PRPF18: variants seen among roughly 807,000 people sequenced by gnomAD.
The protein encoded by PRPF18 is pre-mRNA-splicing factor 18.
A neutral mutation model predicts 46.5 loss-of-function variants in PRPF18; 38 were observed. That is an observed-to-expected ratio of 0.82 (90% confidence interval 0.63 to 1.07). PRPF18 has a LOEUF of 1.07. Among genes scored for constraint, PRPF18 ranks in the 50% least tolerant of loss-of-function variants. The pLI is 0.00. For synonymous variants in PRPF18, 152 were observed against 146.7 expected, an observed-to-expected ratio of 1.04 and a Z score of -0.26; for missense variants, 263 against 410.0, an observed-to-expected ratio of 0.64 and a Z score of 3.10.
rs568778636 is a variant in PRPF18, at chr10:13,628,840, G to C, written c.949-1420G>C. Among the ~76,000 whole-genome samples the C allele has an allele frequency of 3.9e-5, 6 of 152,308 alleles. 1 individual carries two copies. The highest frequency in any genetic ancestry group is 3.9e-4 in the Admixed American group (6 of 15,302). ...AATTGCACAGTGAATAGGATTCATTGCTGGTTACAAACTCTTCCCAAGATC... is the reference window on the plus strand; with the variant it reads ...AATTGCACAGTGAATAGGATTCATTCCTGGTTACAAACTCTTCCCAAGATC... On this transcript the variant is annotated intron_variant, in intron 9 of 9. Transcript: ENST00000378572.
At chr10:13,654,369 A>G in the PRPF18 span, 1 of 1,175,744 alleles carries the variant, frequency 8.5e-7, no homozygotes, top group East Asian at 2.3e-5. Flanking sequence ...AACGTCTATG[A>G]CACTCTTTCG....
At chr10:13,618,937 A>G (rs2080386366) in intron 9 of PRPF18, among the ~76,000 whole-genome samples, 1 of 152,214 alleles carries the variant, frequency 6.6e-6, no homozygotes, top group African/African-American at 2.4e-5. Context: ...CTTTGGCACC[A>G]GGGACTGGTT....
chr10:13,630,343 T>C lies in PRPF18; in HGVS notation c.*3T>C. The stretch of plus-strand genomic sequence containing the variant: ...GTGTGGAGTACAATGCACTGTGAGA[T>C]CTGTGTATGGTGTGTTAATAACAAT... On this transcript the variant is annotated 3_prime_UTR_variant, in exon 10 of 10. Coordinates refer to ENST00000378572, the MANE Select transcript of PRPF18 (RefSeq NM_003675.4). 1 of 1,601,972 alleles carries C rather than the reference T, an allele frequency of 6.2e-7. No individual in the cohort carries two copies. The highest frequency in any genetic ancestry group is 8.6e-7 in the Non-Finnish European group (1 of 1,169,010).
In PRPF18 at chr10:13,626,375, T is replaced by C. The variant is rs1403340736; in HGVS notation, c.949-3885T>C. 3.3e-5 allele frequency among the ~76,000 whole-genome samples: 5 copies of C among 152,102 alleles called. No individual in the cohort carries two copies. In the East Asian group the frequency reaches 9.6e-4, roughly 29 times the overall value. On this transcript the variant is annotated intron_variant, in intron 9 of 9. Transcript: ENST00000378572. Reference sequence around the variant, plus strand: ...GGGTAGTCTCATGTTGGAGAATGGATTAGAAAAACAAAACAAAAAGGGGAA... The same window carrying C: ...GGGTAGTCTCATGTTGGAGAATGGACTAGAAAAACAAAACAAAAAGGGGAA...
chr10:13,589,434 ATC>A (rs2079925750), intron 1 of PRPF18, among the ~76,000 whole-genome samples: 1 of 152,248 alleles, frequency 6.6e-6, no homozygotes, highest in African/African-American at 2.4e-5. Context: ...ATGGCCAAAG[ATC>A]AAGACTTAAT....
At chr10:13,650,130 C>T in the PRPF18 span, among the ~76,000 whole-genome samples, 311 of 152,320 alleles carry the variant, frequency 2.0e-3, 2 homozygotes, top group African/African-American at 7.0e-3. Context: ...GCAAATTCAC[C>T]CACATCTCAC....
At chr10:13,609,437 C>A (rs11258467) in intron 4 of PRPF18, among the ~76,000 whole-genome samples, 1,984 of 152,296 alleles carry the variant, frequency 0.013, 41 homozygotes, top group South Asian at 0.05. Context: ...CTATAGCCGC[C>A]TCACAGCCAT....
chr10:13,640,882 A>G, the PRPF18 span: 2 of 152,634 alleles, frequency 1.3e-5, no homozygotes, highest in Non-Finnish European at 2.9e-5. Flanking sequence ...CCTCCCTGCC[A>G]TAGCTCTCCT....
chr10:13,593,295 TAAG>T (rs764903501), intron 1 of PRPF18, among the ~76,000 whole-genome samples: 17 of 152,100 alleles, frequency 1.1e-4, no homozygotes, highest in Non-Finnish European at 1.8e-4. Context: ...GAGGAAGACA[TAAG>T]AAGAATCTGT....
the PRPF18 span, chr10:13,645,099 C>G: frequency 6.6e-6 from 1 of 152,312 alleles, no homozygotes; most frequent in Admixed American, 6.5e-5. Context: ...CAGCTCGACT[C>G]TCGGTGGTCT....
At chr10:13,651,722 A>G in the PRPF18 span, 1 of 608,776 alleles carries the variant, frequency 1.6e-6, no homozygotes, top group East Asian at 2.8e-5. Flanking sequence ...TGTTAGGAAT[A>G]TCATAATTTT....
intron 2 of PRPF18, 103 bp from the exon 3 acceptor site, chr10:13,600,141 C>T: frequency 1.2e-6 from 1 of 862,292 alleles, no homozygotes; most frequent in Non-Finnish European, 1.7e-6. Flanking sequence ...AGAAAATCTT[C>T]AGTGTTGAAA....
Position 13,587,157 on chromosome 10 carries a change from G to T in PRPF18, c.66+5G>T. 1 of 1,612,446 alleles carries T rather than the reference G, an allele frequency of 6.2e-7. No individual in the cohort carries two copies. The highest frequency in any genetic ancestry group is 8.5e-7 in the Non-Finnish European group (1 of 1,178,504). On this transcript the variant is annotated splice_donor_5th_base_variant and intron_variant, in intron 1 of 9. Transcript: ENST00000378572. ...GAGGACAGGAACCTGCTGGTGGTGA[G>T]GACCCTGCGGTCGTGGGGGTCGGGA...
At chr10:13,623,187 C>T (rs1408608915) in intron 9 of PRPF18, among the ~76,000 whole-genome samples, 2 of 150,812 alleles carry the variant, frequency 1.3e-5, no homozygotes, top group Non-Finnish European at 2.9e-5. Context: ...GGTGACAGCG[C>T]GAGACTCCGT....
intron 2 of PRPF18, among the ~76,000 whole-genome samples, chr10:13,598,101 C>T (rs2080060234): frequency 6.6e-6 from 1 of 152,088 alleles, no homozygotes; most frequent in African/African-American, 2.4e-5. Flanking sequence ...ATTTCAAACA[C>T]TGTTTAGTCT....
intron 2 of PRPF18, among the ~76,000 whole-genome samples, chr10:13,599,145 AT>A (rs2080072730): frequency 6.6e-6 from 1 of 152,068 alleles, no homozygotes; most frequent in Admixed American, 6.6e-5. Flanking sequence ...ATTTTTAAAG[AT>A]TTCCTTCTTG....
the PRPF18 span, among the ~76,000 whole-genome samples, chr10:13,636,503 C>T: frequency 6.6e-6 from 1 of 152,174 alleles, no homozygotes; most frequent in African/African-American, 2.4e-5. Context: ...CGTCAAGTGT[C>T]TGTTGAGAGG....
chr10:13,595,803 A>G (rs1260687933), intron 1 of PRPF18, among the ~76,000 whole-genome samples: 1 of 152,180 alleles, frequency 6.6e-6, no homozygotes, highest in African/African-American at 2.4e-5. Flanking sequence ...TTATTGAATT[A>G]AGGAATGAAC....
In PRPF18 at chr10:13,600,345, A is replaced by G; in HGVS notation, c.246A>G (p.Gln82=). 2 of 1,603,002 alleles carry G rather than the reference A, an allele frequency of 1.2e-6. No homozygotes were observed. The highest frequency in any genetic ancestry group is 1.7e-6 in the Non-Finnish European group (2 of 1,171,358). The change falls in exon 3 of 10, where the codon CAA becomes CAG. Residue 82 remains glutamine (Q), a synonymous_variant. Coordinates refer to ENST00000378572, the MANE Select transcript of PRPF18 (RefSeq NM_003675.4). ...AATTACCTATGACGCTTTCTAGGCA[A>G]GAGGTAAGTTTATTTGTGATGGTTT... ...EEKLPMTLSR[Q]EVIRRLRERG...
Sources: allele counts gnomAD v4.1 joint callset (sites outside exome capture counted in the v4.1 genomes callset), GRCh38; gene constraint gnomAD v4.1.1; transcripts MANE v1.5; gene names NCBI Gene and HGNC (gene_info 2026-07-23, HGNC 2026-07-21).